STOM: variants seen among roughly 807,000 people sequenced by gnomAD.
The protein encoded by STOM is erythrocyte band 7 integral membrane protein.
STOM carries 25 observed loss-of-function variants against 30.6 expected under a neutral mutation model. The ratio of observed to expected loss-of-function variants is 0.82; its 90% confidence interval spans 0.60 to 1.14. The LOEUF is 1.14. Ranked by LOEUF, STOM falls within the 50% of genes most tolerant of loss-of-function variation. The probability of loss-of-function intolerance (pLI) is 0.00; values close to 1 mark genes in which losing one functional copy is unlikely to be tolerated. For synonymous variants in STOM, 118 were observed against 130.8 expected (o/e 0.90, Z 0.67); for missense variants, 292 against 365.2 (o/e 0.80, Z 1.63).
intron 1 of STOM, among the ~76,000 whole-genome samples, chr9:121,363,921 T>C (rs1250789763): frequency 6.6e-6 from 1 of 152,148 alleles, no homozygotes; most frequent in African/African-American, 2.4e-5. Context: ...AAACTCCTGG[T>C]GAAAATAAGC....
chr9:121,369,054 A>G (rs570713895), intron 1 of STOM, among the ~76,000 whole-genome samples: 1 of 152,318 alleles, frequency 6.6e-6, no homozygotes, highest in South Asian at 2.1e-4. Context: ...GATAACCTGC[A>G]ACGTTATTAG....
intron 6 of STOM, among the ~76,000 whole-genome samples, chr9:121,346,266 A>G (rs1323843223): frequency 6.6e-6 from 1 of 152,240 alleles, no homozygotes; most frequent in African/African-American, 2.4e-5. Flanking sequence ...CTGGGATTAC[A>G]GACGTGAGCC....
At chr9:121,369,665 T>C (rs1400615900) in intron 1 of STOM, among the ~76,000 whole-genome samples, 1 of 151,282 alleles carries the variant, frequency 6.6e-6, no homozygotes, top group Non-Finnish European at 1.5e-5. Flanking sequence ...GGAGGTGGGA[T>C]TGGGGGAGGA....
At position 121,349,223 on chromosome 9, in the gene STOM, G is replaced by C; in HGVS notation, c.422C>G (p.Ser141Ter). The C allele has an allele frequency of 6.2e-7, 1 of 1,614,168 alleles. No homozygotes were observed. The highest frequency in any genetic ancestry group is 8.5e-7 in the Non-Finnish European group (1 of 1,179,992). ...AGTTTGTGCCAAAAGACGGGTTGCT[G>C]AGTCAGCGTTGGTGATATTTGCCAC... ...LAVANITNADSATRLLAQTTL... is the reference protein window; with the variant it reads ...LAVANITNAD Residue 141 changes from serine (S) to a stop codon, truncating the protein, a stop_gained, in exon 5 of 7, where the codon TCA (serine) becomes TGA (stop). Coordinates refer to ENST00000286713, the MANE Select transcript of STOM (RefSeq NM_004099.6). LOFTEE classifies it high-confidence loss of function.
Position 121,339,833 on chromosome 9 carries a change from A to G in STOM, c.*1369T>C, listed in dbSNP as rs2134017920. 8.4e-7 allele frequency: 1 copy of G among 1,193,284 alleles called. No individual in the cohort carries two copies. The highest frequency in any genetic ancestry group is 4.4e-5 in the Admixed American group (1 of 22,532). 73.9% of individuals were successfully genotyped at this position (1,193,284 alleles called of 1,614,324 possible). On this transcript the variant is annotated 3_prime_UTR_variant, in exon 7 of 7. Transcript: ENST00000286713. The stretch of plus-strand genomic sequence containing the variant: ...AGAATGACTAGGTAAATTTAAAAAG[A>G]CCTACATCTATATAGATATTGTAAG...
In STOM at chr9:121,339,858, G is replaced by A. The variant is rs1338233501; in HGVS notation, c.*1344C>T. On this transcript the variant is annotated 3_prime_UTR_variant, in exon 7 of 7. Coordinates refer to ENST00000286713, the MANE Select transcript of STOM (RefSeq NM_004099.6). Reference sequence around the variant, plus strand: ...ACCTACATCTATATAGATATTGTAAGTTTGACAGTATCTGCCCAAGATCAT... The same window carrying A: ...ACCTACATCTATATAGATATTGTAAATTTGACAGTATCTGCCCAAGATCAT... 3.4e-6 allele frequency: 4 copies of A among 1,167,326 alleles called. No individual in the cohort carries two copies. The highest frequency in any genetic ancestry group is 4.2e-6 in the Non-Finnish European group (4 of 948,054). The allele number at this position is 1,167,326 out of a possible 1,614,324, so 72.3% of individuals were successfully genotyped here.
intron 2 of STOM, among the ~76,000 whole-genome samples, chr9:121,355,527 T>C (rs191321404): frequency 9.1e-4 from 139 of 152,280 alleles, no homozygotes; most frequent in African/African-American, 2.9e-3. Flanking sequence ...CTTAGAAATA[T>C]GTAAATAATA....
intron 4 of STOM, 106 bp downstream of exon 4, chr9:121,353,114 A>G: frequency 1.9e-6 from 1 of 514,190 alleles, no homozygotes; most frequent in Non-Finnish European, 3.1e-6. Flanking sequence ...CAAACAAACA[A>G]AAATTTAAAA....
intron 1 of STOM, among the ~76,000 whole-genome samples, chr9:121,368,964 A>T (rs1041961041): frequency 6.6e-6 from 1 of 151,110 alleles, no homozygotes; most frequent in South Asian, 2.1e-4. Flanking sequence ...ACGGAGCCTG[A>T]CCTATTTAGT....
In STOM at chr9:121,363,161, C is replaced by T. The variant is rs529087212; in HGVS notation, c.61+6966G>A. ...AAATACCTAAACTGCCACTTTTTAA[C>T]GGACACTTTTTTCCTTCTGCCTTCA... On this transcript the variant is annotated intron_variant, in intron 1 of 6. Transcript: ENST00000286713. Among the ~76,000 whole-genome samples the T allele has an allele frequency of 4.6e-5, 7 of 152,252 alleles. No homozygotes were observed. In the East Asian group the frequency reaches 5.8e-4, roughly 13 times the overall value.
Position 121,340,784 on chromosome 9 carries a change from G to A in STOM, c.*418C>T. The A allele has an allele frequency of 9.9e-7, 1 of 1,006,062 alleles. No individual in the cohort carries two copies. The highest frequency in any genetic ancestry group is 4.1e-5 in the South Asian group (1 of 24,156). The allele number at this position is 1,006,062 out of a possible 1,614,324, so 62.3% of individuals were successfully genotyped here. On this transcript the variant is annotated 3_prime_UTR_variant, in exon 7 of 7. Coordinates refer to ENST00000286713, the MANE Select transcript of STOM (RefSeq NM_004099.6). ...AAAAAAAAAGACTCTCTGGAGGTAA[G>A]GCACATATGACCTGGAGAAGCTGGT... is the stretch of plus-strand genomic sequence containing the variant.
At chr9:121,361,739 T>C (rs1003083466) in intron 1 of STOM, among the ~76,000 whole-genome samples, 3 of 152,176 alleles carry the variant, frequency 2.0e-5, no homozygotes, top group African/African-American at 7.2e-5. Context: ...AGGGATCCTA[T>C]GATACTTGGT....
intron 6 of STOM, 58 bp from the exon 7 acceptor site, chr9:121,341,466 A>G (rs907560064): frequency 6.8e-6 from 11 of 1,606,448 alleles, no homozygotes; most frequent in South Asian, 1.1e-5. Context: ...GACACACAGC[A>G]CTCTTCAACC....
At chr9:121,357,437 A>ATATATATATATATATATATATATTTATT (rs1318433915) in intron 1 of STOM, among the ~76,000 whole-genome samples, 76 of 90,984 alleles carry the variant, frequency 8.4e-4, no homozygotes, top group Non-Finnish European at 6.9e-4. Context: ...ATATATATAT[A>ATATATATATATATATATATATATTTATT]TATTTATTTA....
intron 6 of STOM, 98 bp downstream of exon 6, chr9:121,347,917 T>C (rs970651765): frequency 7.1e-7 from 1 of 1,414,562 alleles, no homozygotes; most frequent in Non-Finnish European, 9.4e-7. Flanking sequence ...ACTTCAAGAT[T>C]ATTTCAAGTT....
chr9:121,341,532 A>G (rs1431795141), intron 6 of STOM, 124 bp from the exon 7 acceptor site: 3 of 1,262,898 alleles, frequency 2.4e-6, no homozygotes, highest in Non-Finnish European at 3.3e-6. Context: ...ATGCCAGAGT[A>G]GTTTTAAGAA....
intron 5 of STOM, 113 bp from the exon 6 acceptor site, chr9:121,348,262 GAC>G: frequency 6.9e-7 from 1 of 1,451,178 alleles, no homozygotes; most frequent in Non-Finnish European, 9.4e-7. Flanking sequence ...GTTGTGGAGA[GAC>G]AGTTACCCCA....
At chr9:121,354,503 G>A in intron 3 of STOM, 98 bp downstream of exon 3, 2 of 952,558 alleles carry the variant, frequency 2.1e-6, no homozygotes, top group Non-Finnish European at 3.1e-6. Flanking sequence ...CTGGGCGACG[G>A]AATGAAACCC....
chr9:121,361,482 G>T (rs1457404046), intron 1 of STOM, among the ~76,000 whole-genome samples: 1 of 150,078 alleles, frequency 6.7e-6, no homozygotes, highest in East Asian at 2.0e-4. Flanking sequence ...TCTGCCCCCT[G>T]GGTTCACGCC....
Sources: gnomAD v4.1 joint callset for allele counts (sites outside exome capture counted in the v4.1 genomes callset) on GRCh38, gnomAD v4.1.1 for gene constraint, MANE v1.5 for transcripts, NCBI Gene and HGNC (gene_info 2026-07-23, HGNC 2026-07-21) for gene names.